The following THSD7B variants were observed in gnomAD, a reference collection of about 807,000 sequenced individuals.
THSD7B encodes the protein thrombospondin type 1 domain containing 7B.
Under a neutral mutation model 213.6 loss-of-function variants are expected in THSD7B, and 138 were observed. The ratio of observed to expected loss-of-function variants is 0.65; its 90% confidence interval spans 0.56 to 0.74. The LOEUF is 0.74. Ranked by LOEUF, THSD7B falls within the 30% of genes least tolerant of loss-of-function variation. The pLI is 0.00. For missense variants in THSD7B, 1,931 were observed against 1,991.5 expected (o/e 0.97, Z 0.58); for synonymous variants, 742 against 687.0 (o/e 1.08, Z -1.25).
chr2:136,972,049 T>C (rs1171838592), intron 2 of THSD7B, among the ~76,000 whole-genome samples: 1 of 152,172 alleles, frequency 6.6e-6, no homozygotes, highest in East Asian at 1.9e-4. Flanking sequence ...CCTTTCCTGG[T>C]AGCTCCCCAG....
chr2:137,249,253 A>T (rs1420105582), intron 10 of THSD7B, among the ~76,000 whole-genome samples: 1 of 151,948 alleles, frequency 6.6e-6, no homozygotes, highest in Non-Finnish European at 1.5e-5. Context: ...TTTCCTATAT[A>T]TTTTTTTAAT....
intron 2 of THSD7B, among the ~76,000 whole-genome samples, chr2:136,937,797 G>A (rs1032342595): frequency 2.0e-5 from 3 of 152,168 alleles, no homozygotes; most frequent in African/African-American, 4.8e-5. Flanking sequence ...TTCAGAAAAA[G>A]CTACATCTTC....
chr2:137,217,477 G>A (rs1302183724), intron 7 of THSD7B, among the ~76,000 whole-genome samples: 5 of 152,112 alleles, frequency 3.3e-5, no homozygotes, highest in African/African-American at 9.6e-5. Flanking sequence ...ACATATTTAG[G>A]TGAAGTAGCC....
chr2:136,877,372 G>T (rs1195510256), intron 1 of THSD7B, among the ~76,000 whole-genome samples: 1 of 152,144 alleles, frequency 6.6e-6, no homozygotes, highest in South Asian at 2.1e-4. Context: ...TAGGCCAGAA[G>T]TTTTAGAATT....
At chr2:137,561,133 T>A (rs1278018812) in intron 15 of THSD7B, among the ~76,000 whole-genome samples, 1 of 152,192 alleles carries the variant, frequency 6.6e-6, no homozygotes, top group Non-Finnish European at 1.5e-5. Flanking sequence ...TATACAGACA[T>A]TCTCCCTGTC....
intron 15 of THSD7B, among the ~76,000 whole-genome samples, chr2:137,503,032 G>T (rs1287049801): frequency 6.6e-6 from 1 of 152,130 alleles, no homozygotes; most frequent in East Asian, 1.9e-4. Context: ...CAAAGAAACA[G>T]CAGGGAAAGA....
At chr2:137,139,698 T>C (rs1679544290) in intron 5 of THSD7B, among the ~76,000 whole-genome samples, 1 of 152,152 alleles carries the variant, frequency 6.6e-6, no homozygotes, top group South Asian at 2.1e-4. Flanking sequence ...TGCCTTTTGA[T>C]TGATGTAGAT....
intron 13 of THSD7B, among the ~76,000 whole-genome samples, chr2:137,410,859 T>C (rs1463283): frequency 0.58 from 88,291 of 152,056 alleles, 28,144 homozygotes; most frequent in East Asian, 0.77. Flanking sequence ...AGAGGAATTG[T>C]GTTAACAGCA....
chr2:136,920,691 C>T (rs1024093111), intron 2 of THSD7B, among the ~76,000 whole-genome samples: 2 of 152,264 alleles, frequency 1.3e-5, no homozygotes, highest in East Asian at 3.9e-4. Flanking sequence ...CACCTAGGAC[C>T]CTGTCTGCCT....
At chr2:137,160,615 C>CTTTTG (rs569605637) in intron 6 of THSD7B, among the ~76,000 whole-genome samples, 8 of 152,180 alleles carry the variant, frequency 5.3e-5, no homozygotes, top group South Asian at 2.1e-4. Context: ...ATAACTTCAT[C>CTTTTG]TTTTGTTTTG....
chr2:137,434,197 C>T (rs963305077), intron 14 of THSD7B, among the ~76,000 whole-genome samples: 4 of 152,162 alleles, frequency 2.6e-5, no homozygotes, highest in Admixed American at 6.5e-5. Context: ...ACAAAAATCC[C>T]TCTAGCTCTT....
chr2:136,824,975 A>G (rs997342725), intron 1 of THSD7B, among the ~76,000 whole-genome samples: 7 of 152,208 alleles, frequency 4.6e-5, no homozygotes, highest in African/African-American at 1.7e-4. Context: ...TTACCTGGGG[A>G]TGCCATGAAA....
intron 12 of THSD7B, among the ~76,000 whole-genome samples, chr2:137,311,055 G>A (rs1168134168): frequency 6.6e-6 from 1 of 150,896 alleles, no homozygotes; most frequent in Non-Finnish European, 1.5e-5. Flanking sequence ...GTCATTGGTA[G>A]CTTGATGGGG....
At chr2:137,419,698 G>T (rs541771360) in intron 14 of THSD7B, among the ~76,000 whole-genome samples, 2 of 151,848 alleles carry the variant, frequency 1.3e-5, no homozygotes, top group African/African-American at 4.8e-5. Context: ...GGGATCGATC[G>T]GTGGAAAGCA....
intron 5 of THSD7B, among the ~76,000 whole-genome samples, chr2:137,137,480 G>T (rs1234430051): frequency 6.6e-6 from 1 of 152,202 alleles, no homozygotes; most frequent in Non-Finnish European, 1.5e-5. Context: ...TGTACTTTCT[G>T]CTAAACTTAT....
At chr2:137,125,978 G>A (rs1356897435) in intron 5 of THSD7B, among the ~76,000 whole-genome samples, 1 of 152,076 alleles carries the variant, frequency 6.6e-6, no homozygotes, top group Non-Finnish European at 1.5e-5. Flanking sequence ...CTGAGCAGTA[G>A]GCCTCAACAG....
chr2:136,817,736 G>A (rs1682499151), intron 1 of THSD7B, among the ~76,000 whole-genome samples: 1 of 151,642 alleles, frequency 6.6e-6, no homozygotes. Context: ...AGTGGGCAAA[G>A]GACATGAACA....
At chr2:137,404,430 GATATATATATATATATATATATATAT>G (rs59001356) in intron 12 of THSD7B, among the ~76,000 whole-genome samples, 3 of 49,302 alleles carry the variant, frequency 6.1e-5, no homozygotes, top group East Asian at 7.9e-4. Flanking sequence ...GAAACTCTGA[GATATATATATATATATATATATATAT>G]ATATATATAT....
At chr2:137,316,222 G>A (rs1049988591) in intron 12 of THSD7B, among the ~76,000 whole-genome samples, 4 of 152,196 alleles carry the variant, frequency 2.6e-5, no homozygotes, top group South Asian at 2.1e-4. Context: ...TACCACAACC[G>A]ATACCTTCAA....
Sources: gnomAD v4.1 joint callset for allele counts (sites outside exome capture counted in the v4.1 genomes callset) on GRCh38, gnomAD v4.1.1 for gene constraint, MANE v1.5 for transcripts, NCBI Gene and HGNC (gene_info 2026-07-23, HGNC 2026-07-21) for gene names.